MDFIC: variants seen among roughly 807,000 people sequenced by gnomAD.
The protein encoded by MDFIC is myoD family inhibitor domain-containing protein.
In MDFIC, 17 loss-of-function variants were observed where a neutral mutation model predicts 23.2. That is an observed-to-expected ratio of 0.73 (90% CI 0.50 to 1.10). MDFIC has a LOEUF of 1.10. Ranked by LOEUF, MDFIC falls within the 50% of genes least tolerant of loss-of-function variation. MDFIC has a pLI of 0.00. For missense variants in MDFIC, 356 were observed against 316.6 expected, an observed-to-expected ratio of 1.12 and a Z score of -0.95; for synonymous variants, 120 against 115.2, an observed-to-expected ratio of 1.04 and a Z score of -0.27.
At chr7:114,944,210 A>C (rs564992475) in intron 3 of MDFIC, among the ~76,000 whole-genome samples, 2 of 152,234 alleles carry the variant, frequency 1.3e-5, no homozygotes, top group Non-Finnish European at 2.9e-5. Flanking sequence ...ACTAATATTC[A>C]CTGAAGGAAT....
intron 3 of MDFIC, among the ~76,000 whole-genome samples, chr7:114,967,213 G>C (rs2115895072): frequency 6.6e-6 from 1 of 152,318 alleles, no homozygotes; most frequent in South Asian, 2.1e-4. Flanking sequence ...ATTAGTTTCA[G>C]CCAGTCATGG....
intron 4 of MDFIC, 100 bp from the exon 5 acceptor site, chr7:115,015,588 C>T: frequency 6.8e-7 from 1 of 1,468,100 alleles, no homozygotes. Context: ...TTGTGGATTA[C>T]TTAACTATTT....
intron 4 of MDFIC, among the ~76,000 whole-genome samples, chr7:115,007,424 T>G (rs1467257946): frequency 2.0e-5 from 3 of 152,100 alleles, no homozygotes; most frequent in South Asian, 4.2e-4. Context: ...AGATTCAGTA[T>G]GTGAATGTAA....
At chr7:115,004,987 C>T (rs149104945) in intron 4 of MDFIC, among the ~76,000 whole-genome samples, 30 of 152,288 alleles carry the variant, frequency 2.0e-4, no homozygotes, top group Non-Finnish European at 2.5e-4. Context: ...ACTTATATTC[C>T]GCATTAATTA....
intron 3 of MDFIC, among the ~76,000 whole-genome samples, chr7:114,965,141 C>T (rs2709518): frequency 0.98 from 149,732 of 152,246 alleles, 73,684 homozygotes; most frequent in East Asian, 1. Context: ...GAGTAAGAGG[C>T]AGTGAAGGGC....
chr7:114,955,212 T>G (rs1792860863), intron 3 of MDFIC, among the ~76,000 whole-genome samples: 1 of 152,210 alleles, frequency 6.6e-6, no homozygotes, highest in Admixed American at 6.5e-5. Flanking sequence ...ACAGTAAACT[T>G]TCATTAAGCA....
chr7:114,994,601 A>G (rs1379994208), intron 4 of MDFIC, among the ~76,000 whole-genome samples: 1 of 151,988 alleles, frequency 6.6e-6, no homozygotes, highest in African/African-American at 2.4e-5. Context: ...TTTCTCCTTC[A>G]CTTATGAAGC....
At chr7:114,946,760 T>A (rs1563139232) in intron 3 of MDFIC, among the ~76,000 whole-genome samples, 1 of 152,176 alleles carries the variant, frequency 6.6e-6, no homozygotes, top group African/African-American at 2.4e-5. Flanking sequence ...GGAGCTGCCG[T>A]ATCATGCCTT....
chr7:115,013,916 A>G, intron 4 of MDFIC: 6 of 859,766 alleles, frequency 7.0e-6, no homozygotes, highest in Non-Finnish European at 8.4e-6. Context: ...AGAAATCAAT[A>G]TTAGGGGAAG....
At chr7:114,987,381 T>C (rs1041176059) in intron 4 of MDFIC, among the ~76,000 whole-genome samples, 1 of 152,178 alleles carries the variant, frequency 6.6e-6, no homozygotes, top group Admixed American at 6.6e-5. Flanking sequence ...AAGATAATAA[T>C]AGGAGCTCAT....
At chr7:115,005,387 C>A (rs1390651546) in intron 4 of MDFIC, among the ~76,000 whole-genome samples, 3 of 152,130 alleles carry the variant, frequency 2.0e-5, no homozygotes, top group Admixed American at 6.5e-5. Flanking sequence ...TTGCTAATAG[C>A]CTTATTTAAA....
chr7:114,934,236 G>T (rs1186531626), intron 2 of MDFIC, among the ~76,000 whole-genome samples: 1 of 152,114 alleles, frequency 6.6e-6, no homozygotes, highest in African/African-American at 2.4e-5. Context: ...TTGGGGTAAG[G>T]TACAGTAAGT....
chr7:114,962,555 C>T, intron 3 of MDFIC, among the ~76,000 whole-genome samples: 1 of 152,100 alleles, frequency 6.6e-6, no homozygotes. Flanking sequence ...AATTATGATT[C>T]TCCAGTGAAG....
At chr7:114,944,008 G>A (rs1792599372) in intron 3 of MDFIC, among the ~76,000 whole-genome samples, 1 of 152,158 alleles carries the variant, frequency 6.6e-6, no homozygotes, top group South Asian at 2.1e-4. Context: ...TATATTATTT[G>A]GTGAAGCTCA....
intron 3 of MDFIC, among the ~76,000 whole-genome samples, chr7:114,973,101 G>A (rs10240590): frequency 2.0e-5 from 3 of 147,760 alleles, no homozygotes; most frequent in South Asian, 4.3e-4. Context: ...GTGTGTGTGT[G>A]TATATATATA....
intron 4 of MDFIC, among the ~76,000 whole-genome samples, chr7:115,004,379 C>T (rs1324550243): frequency 2.0e-5 from 3 of 151,964 alleles, no homozygotes; most frequent in Non-Finnish European, 4.4e-5. Flanking sequence ...CTGGCAGAGG[C>T]GAAAGGATAG....
At chr7:114,951,911 C>T (rs1050902918) in intron 3 of MDFIC, among the ~76,000 whole-genome samples, 3 of 152,044 alleles carry the variant, frequency 2.0e-5, no homozygotes, top group Non-Finnish European at 2.9e-5. Flanking sequence ...AATGAGAATG[C>T]AGGGTCTCTT....
At chr7:114,944,148 T>C (rs568637126) in intron 3 of MDFIC, among the ~76,000 whole-genome samples, 23 of 152,196 alleles carry the variant, frequency 1.5e-4, no homozygotes, top group Non-Finnish European at 3.2e-4. Flanking sequence ...GATAATGACG[T>C]ACCCTGTGCC....
intron 4 of MDFIC, among the ~76,000 whole-genome samples, chr7:114,994,192 T>C (rs552891808): frequency 2.5e-4 from 38 of 152,206 alleles, no homozygotes; most frequent in African/African-American, 4.8e-5. Context: ...TTTTGTTTTC[T>C]ATTTGCTTGG....
Sources: gnomAD v4.1 joint callset for allele counts (sites outside exome capture counted in the v4.1 genomes callset) on GRCh38, gnomAD v4.1.1 for gene constraint, MANE v1.5 for transcripts, NCBI Gene and HGNC (gene_info 2026-07-23, HGNC 2026-07-21) for gene names.